POLD1: variants seen among roughly 807,000 people sequenced by gnomAD.
The protein encoded by POLD1 is DNA polymerase delta 1, catalytic subunit, also known as DNA polymerase delta catalytic subunit.
A neutral mutation model predicts 129.7 loss-of-function variants in POLD1; 79 were observed. That is an observed-to-expected ratio of 0.61 (90% confidence interval 0.51 to 0.73). POLD1 has a LOEUF of 0.73. POLD1 is among the 30% of genes least tolerant of loss of function. The pLI is 0.00. For missense variants in POLD1, 1,338 were observed against 1,595.8 expected, an observed-to-expected ratio of 0.84 and a Z score of 2.75; for synonymous variants, 714 against 683.3, an observed-to-expected ratio of 1.04 and a Z score of -0.70.
In POLD1 at chr19:50,403,208, G is replaced by A. The variant is rs773891726; in HGVS notation, c.1126G>A (p.Asp376Asn). The A allele has an allele frequency of 1.3e-6, 2 of 1,556,566 alleles. No individual in the cohort carries two copies. Among genetic ancestry groups the A allele is most frequent in the South Asian group, 1.2e-5 (1 of 84,868 alleles). ...GGTGCAGAGCTACGAGAAGGAGGAG[G>A]ACCTGCTGCAGGTAGCTCTCGCTCC... ...AKVQSYEKEE[D>N]LLQAWSTFIR... is the part of the protein sequence containing the mutation. Residue 376 changes from aspartate to asparagine, a missense_variant, in exon 9 of 27, where the codon GAC (aspartate) becomes AAC (asparagine). Physicochemically the swap from Asp to Asn is conservative, Grantham distance 23. Coordinates refer to ENST00000440232, the MANE Select transcript of POLD1 (RefSeq NM_002691.4).
intron 3 of POLD1, among the ~76,000 whole-genome samples, chr19:50,401,359 G>GTGTATA (rs1177431255): frequency 2.3e-3 from 207 of 90,096 alleles, no homozygotes; most frequent in African/African-American, 5.8e-3. Context: ...GTGTATTTGT[G>GTGTATA]TATATGTGTA....
intron 15 of POLD1, 93 bp downstream of exon 15, chr19:50,408,994 G>T: frequency 7.1e-7 from 1 of 1,401,204 alleles, no homozygotes; most frequent in South Asian, 1.3e-5. Context: ...CACAGGCCCA[G>T]AGATAGTAGG....
At position 50,416,609 on chromosome 19, in the gene POLD1, G is replaced by A. The variant is rs1601247230; in HGVS notation, c.2954-1G>A. On this transcript the variant is annotated splice_acceptor_variant, in intron 23 of 26. Transcript: ENST00000440232. LOFTEE classifies it high-confidence loss of function. ...CCCACCACCTGCCTCCTCTCCTGCA[G>A]GGGGGGACCACACGCGCTGCAAGAC... 1.3e-6 allele frequency: 2 copies of A among 1,558,018 alleles called. No individual in the cohort carries two copies. The highest frequency in any genetic ancestry group is 1.7e-6 in the Non-Finnish European group (2 of 1,155,014).
In POLD1 at chr19:50,406,441, C is replaced by T. The variant is rs2038886050; in HGVS notation, c.1418C>T (p.Thr473Met). 5.0e-6 allele frequency: 8 copies of T among 1,599,284 alleles called. No individual in the cohort carries two copies. The highest frequency in any genetic ancestry group is 3.4e-5 in the South Asian group (3 of 89,414). The change falls in exon 12 of 27, where the codon ACG becomes ATG. Residue 473 changes from threonine (T) to methionine (M), a missense_variant. Thr to Met is a moderately conservative substitution (Grantham distance 81). Transcript: ENST00000440232. The surrounding 1 kb of genome is among the most constrained non-coding windows in gnomAD (Gnocchi z 5.5). ...LLREYKLRSY[T>M]LNAVSFHFLG... is the part of the protein sequence containing the mutation. ...CGGGAGTACAAGCTCCGCTCCTACA[C>T]GCTCAATGCCGTGAGCTTCCACTTC...
rs779450210 is a variant in POLD1 at position 50,416,560 on chromosome 19, T to TG, written c.2953+39dup. 154 of 1,546,448 alleles carry TG rather than the reference T, an allele frequency of 1.0e-4. No individual in the cohort carries two copies. The highest frequency in any genetic ancestry group is 1.8e-4 in the Middle Eastern group (1 of 5,624). ...GGGCACCAGGGGACTGGGGGCACCC[T>TG]GGGGGGGCAGAGGAGATCACCGGCC... On this transcript the variant is annotated intron_variant, in intron 23 of 26. Coordinates refer to ENST00000440232, the MANE Select transcript of POLD1 (RefSeq NM_002691.4).
intron 17 of POLD1, 30 bp from the exon 18 acceptor site, chr19:50,413,396 C>G (rs2039155498): frequency 1.9e-6 from 3 of 1,594,220 alleles, no homozygotes; most frequent in Middle Eastern, 1.7e-4. Flanking sequence ...GCCCCCAGGG[C>G]TTCACTCCGC....
At chr19:50,388,972 A>G (rs552375212) in intron 1 of POLD1, among the ~76,000 whole-genome samples, 52 of 151,434 alleles carry the variant, frequency 3.4e-4, no homozygotes, top group Non-Finnish European at 5.7e-4. Flanking sequence ...AGCTGGGACT[A>G]TAGGCGCGCA....
intron 13 of POLD1, 33 bp downstream of exon 13, chr19:50,407,207 C>G (rs181961875): frequency 2.5e-6 from 4 of 1,581,178 alleles, no homozygotes; most frequent in Non-Finnish European, 3.5e-6. Context: ...CGCCACCCCC[C>G]ACCAGGCACG....
intron 10 of POLD1, among the ~76,000 whole-genome samples, chr19:50,405,360 A>C (rs1426723187): frequency 6.6e-6 from 1 of 152,184 alleles, no homozygotes; most frequent in Non-Finnish European, 1.5e-5. Flanking sequence ...TTTTGGGAGA[A>C]CATGGTTCAG....
chr19:50,390,494 C>T (rs907163851), intron 1 of POLD1, among the ~76,000 whole-genome samples: 3 of 152,034 alleles, frequency 2.0e-5, no homozygotes, highest in Non-Finnish European at 4.4e-5. Flanking sequence ...TGGAACAGAG[C>T]CTGGGCTGTT....
Position 50,416,538 on chromosome 19 carries a change from C to A in POLD1, c.2953+10C>A. The A allele has an allele frequency of 6.4e-7, 1 of 1,551,758 alleles. No homozygotes were observed. Among genetic ancestry groups the A allele is most frequent in the Non-Finnish European group, 8.7e-7 (1 of 1,150,070 alleles). ...GAGGCTGTGCTACTGCGTACGGGGG[C>A]ACCAGGGGACTGGGGGCACCCTGGG... is the stretch of plus-strand genomic sequence containing the variant. On this transcript the variant is annotated intron_variant, in intron 23 of 26. Coordinates refer to ENST00000440232, the MANE Select transcript of POLD1 (RefSeq NM_002691.4).
At position 50,399,392 on chromosome 19, in the gene POLD1, T is replaced by C. The variant is rs878854534; in HGVS notation, c.224T>C (p.Ile75Thr). ...CCAGGGCAGGTCCCACCATCAGCCA[T>C]AGATCCTCGCTGGCTTCGGCCCACA... is the stretch of plus-strand genomic sequence containing the variant. ...VADGQVPPSA[I>T]DPRWLRPTPP... Residue 75 changes from isoleucine to threonine, a missense_variant, in exon 3 of 27, where the codon ATA becomes ACA. This residue lies in a region of POLD1 where 332 missense variants were observed against 315.7 expected (regional missense o/e 1.05). Coordinates refer to ENST00000440232, the MANE Select transcript of POLD1 (RefSeq NM_002691.4). 5 of 1,613,828 alleles carry C rather than the reference T, an allele frequency of 3.1e-6. No homozygotes were observed. The highest frequency in any genetic ancestry group is 1.7e-5 in the Admixed American group (1 of 60,000).
intron 14 of POLD1, among the ~76,000 whole-genome samples, chr19:50,408,149 A>G (rs1285703442): frequency 6.6e-6 from 1 of 151,386 alleles, no homozygotes; most frequent in African/African-American, 2.4e-5. Context: ...ATCCTGGCTA[A>G]CACGGTGAAA....
rs762494977 is a variant in POLD1, at chr19:50,403,109, C to T, written c.1027C>T (p.Arg343Cys). 1.2e-5 allele frequency: 18 copies of T among 1,564,700 alleles called. No homozygotes were observed. Among genetic ancestry groups the T allele is most frequent in the African/African-American group, 4.1e-5 (3 of 73,722 alleles). The stretch of plus-strand genomic sequence containing the variant: ...CATCCAGATCTGCTCGCTGGGCCTG[C>T]GCTGGGGGGAGCCGGAGCCCTTCCT... The part of the protein sequence containing the change: ...PVIQICSLGL[R>C]WGEPEPFLRL... Residue 343 changes from arginine (R) to cysteine (C), a missense_variant, in exon 9 of 27, where the codon CGC (arginine) becomes TGC (cysteine). Around this residue, in one of 3 missense-constraint regions of POLD1, gnomAD observed 720 missense variants for 1,002.6 expected, o/e 0.72. Coordinates refer to ENST00000440232, the MANE Select transcript of POLD1 (RefSeq NM_002691.4).
chr19:50,386,361 T>C lies in POLD1; in HGVS notation c.-2+1971T>C, dbSNP rs187768182. 2.4e-3 allele frequency among the ~76,000 whole-genome samples: 368 copies of C among 151,732 alleles called. 1 individual carries two copies. Among genetic ancestry groups the C allele is most frequent in the Non-Finnish European group, 4.4e-3 (300 of 67,862 alleles). The stretch of plus-strand genomic sequence containing the variant: ...TCATGTTGCCCAGACTGGTCTCGAA[T>C]CCCTGACCTCAAGTAATCCTCCCAC... On this transcript the variant is annotated intron_variant, in intron 1 of 26. Coordinates refer to ENST00000440232, the MANE Select transcript of POLD1 (RefSeq NM_002691.4).
At chr19:50,410,857 C>T (rs1474068770) in intron 17 of POLD1, 11 of 152,460 alleles carry the variant, frequency 7.2e-5, no homozygotes, top group Admixed American at 5.2e-4. Flanking sequence ...CCTCAGCAAC[C>T]CCCAGAGGTC....
intron 22 of POLD1, 121 bp from the exon 23 acceptor site, chr19:50,416,275 C>T (rs1453676220): frequency 2.9e-6 from 3 of 1,026,754 alleles, no homozygotes; most frequent in African/African-American, 3.2e-5. Flanking sequence ...AGACCCAGGC[C>T]CCCCCCATGT....
chr19:50,413,415 C>G lies in POLD1; in HGVS notation c.2155-11C>G, dbSNP rs771121744. On this transcript the variant is annotated splice_polypyrimidine_tract_variant and intron_variant, in intron 17 of 26. Coordinates refer to ENST00000440232, the MANE Select transcript of POLD1 (RefSeq NM_002691.4). Reference sequence around the variant, plus strand: ...CCAGGGCTTCACTCCGCATGATTCTCTCCCCGACAGAGCGTCACGGGGTTC... The same window carrying G: ...CCAGGGCTTCACTCCGCATGATTCTGTCCCCGACAGAGCGTCACGGGGTTC... The G allele has an allele frequency of 2.5e-6, 4 of 1,610,866 alleles. No individual in the cohort carries two copies. The highest frequency in any genetic ancestry group is 2.2e-5 in the East Asian group (1 of 44,790).
chr19:50,397,424 A>G (rs1470671944), intron 1 of POLD1, among the ~76,000 whole-genome samples: 1 of 135,506 alleles, frequency 7.4e-6, no homozygotes, highest in Admixed American at 7.4e-5. Flanking sequence ...TTTTTTTCTG[A>G]GACGGAGTCT....
Sources: allele counts gnomAD v4.1 joint callset (sites outside exome capture counted in the v4.1 genomes callset), GRCh38; gene constraint gnomAD v4.1.1; regional missense constraint gnomAD v4.1.1; non-coding constraint Gnocchi (gnomAD v3.1); transcripts MANE v1.5; gene names NCBI Gene and HGNC (gene_info 2026-07-23, HGNC 2026-07-21).